Variants in COLEC12 observed in about 807,000 individuals in gnomAD.
COLEC12 encodes the protein collectin subfamily member 12, also known as collectin-12.
In COLEC12, 33 loss-of-function variants were observed where a neutral mutation model predicts 71.1. That is an observed-to-expected ratio of 0.46 (90% CI 0.35 to 0.62). The LOEUF is 0.62. Among genes scored for constraint, COLEC12 ranks in the 20% least tolerant of loss-of-function variants. COLEC12 has a pLI of 0.00. For missense variants in COLEC12, 765 were observed against 916.1 expected, an observed-to-expected ratio of 0.84 and a Z score of 2.13; for synonymous variants, 350 against 353.0, an observed-to-expected ratio of 0.99 and a Z score of 0.10.
At chr18:491,142 C>T (rs1917612664) in intron 1 of COLEC12, among the ~76,000 whole-genome samples, 1 of 152,230 alleles carries the variant, frequency 6.6e-6, no homozygotes, top group African/African-American at 2.4e-5. Context: ...CAGGTCCTTG[C>T]CCCTGTATCC....
intron 9 of COLEC12, 107 bp from the exon 10 acceptor site, chr18:320,171 C>T: frequency 3.0e-6 from 2 of 657,084 alleles, no homozygotes; most frequent in Non-Finnish European, 5.4e-6. Context: ...GTCTAAAATA[C>T]ATCATTCAAC....
At position 319,891 on chromosome 18, in the gene COLEC12, G is replaced by A. The variant is rs1026503839; in HGVS notation, c.*154C>T. The A allele has an allele frequency of 2.2e-5, 14 of 647,426 alleles. No homozygotes were observed. Among genetic ancestry groups the A allele is most frequent in the Non-Finnish European group, 3.9e-5 (14 of 363,350 alleles). The allele number at this position is 647,426 out of a possible 1,614,324, so 40.1% of individuals were successfully genotyped here. A position where few individuals can be genotyped will look rare whatever the true frequency, so the allele number is the denominator to read the frequency against. On this transcript the variant is annotated 3_prime_UTR_variant, in exon 10 of 10. Transcript: ENST00000400256. ...AGTTCCCAAGTCTTTGGGTAATGACGGATGGTAAAAAACACTAGCTGTCAA... is the reference window on the plus strand; with the variant it reads ...AGTTCCCAAGTCTTTGGGTAATGACAGATGGTAAAAAACACTAGCTGTCAA...
chr18:364,989 A>G (rs1013787672), intron 2 of COLEC12, among the ~76,000 whole-genome samples: 4 of 152,244 alleles, frequency 2.6e-5, no homozygotes, highest in Non-Finnish European at 4.4e-5. Flanking sequence ...ATTCATCTCC[A>G]GAAGTGAAAA....
At chr18:357,330 G>C in intron 3 of COLEC12, 70 bp downstream of exon 3, 1 of 1,435,484 alleles carries the variant, frequency 7.0e-7, no homozygotes, top group East Asian at 2.3e-5. Flanking sequence ...TTGCAAATAT[G>C]AGTTTTCTCA....
chr18:451,468 C>T (rs1265459350), intron 2 of COLEC12, among the ~76,000 whole-genome samples: 1 of 152,146 alleles, frequency 6.6e-6, no homozygotes, highest in Non-Finnish European at 1.5e-5. Flanking sequence ...TGATCTGAGG[C>T]CAGGCGCGGT....
chr18:381,562 T>A (rs912754744), intron 2 of COLEC12, among the ~76,000 whole-genome samples: 8 of 152,240 alleles, frequency 5.3e-5, no homozygotes, highest in African/African-American at 1.9e-4. Context: ...TAAGTTGTTA[T>A]AACCTTTTTG....
chr18:361,373 A>G, intron 2 of COLEC12, among the ~76,000 whole-genome samples: 1 of 151,994 alleles, frequency 6.6e-6, no homozygotes. Context: ...TTCCCCTGCC[A>G]CCACCCTAGT....
chr18:480,517 G>A lies in COLEC12; in HGVS notation c.58+190C>T, dbSNP rs1917392930. ...GCCTGGGTGCAGCTCCTGTCCCATG[G>A]CCCCTCAGAATTGTGAGAAACCCTC... On this transcript the variant is annotated intron_variant, in intron 2 of 9. Coordinates refer to ENST00000400256, the MANE Select transcript of COLEC12 (RefSeq NM_130386.3). This position sits in a 1 kb window ranked among gnomAD's most constrained non-coding sequence, Gnocchi z 4.1. Among the ~76,000 whole-genome samples, 1 of 151,926 alleles carries A rather than the reference G, an allele frequency of 6.6e-6. No homozygotes were observed. The highest frequency in any genetic ancestry group is 1.5e-5 in the Non-Finnish European group (1 of 67,996).
At chr18:325,054 A>G (rs938188280) in intron 8 of COLEC12, among the ~76,000 whole-genome samples, 3 of 151,794 alleles carry the variant, frequency 2.0e-5, no homozygotes, top group African/African-American at 7.3e-5. Flanking sequence ...TTAGCCAGGT[A>G]TGGTAGCTGA....
intron 2 of COLEC12, among the ~76,000 whole-genome samples, chr18:433,879 G>A (rs1019592300): frequency 1.3e-5 from 2 of 150,392 alleles, no homozygotes; most frequent in Middle Eastern, 3.2e-3. Context: ...CAAGAGGATC[G>A]CTTGAGCCCA....
At chr18:371,099 A>G (rs2143535408) in intron 2 of COLEC12, among the ~76,000 whole-genome samples, 1 of 152,334 alleles carries the variant, frequency 6.6e-6, no homozygotes, top group Admixed American at 6.5e-5. Context: ...ACAGCCAACC[A>G]CCTGTAAATA....
Position 335,032 on chromosome 18 carries a change from C to A in COLEC12, c.1526G>T (p.Gly509Val). The A allele has an allele frequency of 6.3e-7, 1 of 1,595,442 alleles. No homozygotes were observed. The highest frequency in any genetic ancestry group is 8.5e-7 in the Non-Finnish European group (1 of 1,174,170). ...GGGCTTCCCAGGGGAACCACGGGAG[C>A]CTTTGGGGCCCTGGGAGCCTTTAGA... ...KGSKGSQGPK[G>V]SRGSPGKPGP... The change falls in exon 6 of 10, where the codon GGC becomes GTC. Residue 509 changes from glycine to valine, a missense_variant. By Grantham distance (109) the Gly-to-Val change is moderately radical (BLOSUM62 -3). Transcript: ENST00000400256.
chr18:347,781 G>A (rs1245218518), intron 4 of COLEC12, among the ~76,000 whole-genome samples: 1 of 152,062 alleles, frequency 6.6e-6, no homozygotes, highest in Non-Finnish European at 1.5e-5. Flanking sequence ...CTATTTATGT[G>A]ACAGTTTTTA....
chr18:335,589 C>G (rs1914101741), intron 5 of COLEC12, among the ~76,000 whole-genome samples: 1 of 152,130 alleles, frequency 6.6e-6, no homozygotes, highest in Non-Finnish European at 1.5e-5. Context: ...GGAAAGATCG[C>G]TTGAGGGCAC....
intron 2 of COLEC12, among the ~76,000 whole-genome samples, chr18:474,982 G>C (rs976747412): frequency 2.2e-4 from 33 of 152,096 alleles, no homozygotes; most frequent in African/African-American, 7.5e-4. Context: ...GCTGAGGCAG[G>C]AGAATCACTT....
chr18:352,414 T>A (rs1914542616), intron 3 of COLEC12, among the ~76,000 whole-genome samples: 2 of 152,284 alleles, frequency 1.3e-5, no homozygotes, highest in South Asian at 4.1e-4. Context: ...TTCTACTTTT[T>A]CTTCCATTTT....
intron 2 of COLEC12, among the ~76,000 whole-genome samples, chr18:379,084 C>A (rs1311852081): frequency 2.6e-5 from 4 of 151,862 alleles, no homozygotes; most frequent in Admixed American, 2.6e-4. Flanking sequence ...ATGGTGCAAT[C>A]TTTTTATCTC....
intron 2 of COLEC12, among the ~76,000 whole-genome samples, chr18:468,055 A>C (rs1917120281): frequency 6.6e-6 from 1 of 152,156 alleles, no homozygotes; most frequent in South Asian, 2.1e-4. Flanking sequence ...CGAGGTCAGG[A>C]GTTCGAGACC....
chr18:338,560 T>C (rs762022251), intron 5 of COLEC12, among the ~76,000 whole-genome samples: 2 of 152,214 alleles, frequency 1.3e-5, no homozygotes, highest in Non-Finnish European at 1.5e-5. Context: ...ACATCCACAG[T>C]TGGACTTTTT....
Sources: allele counts gnomAD v4.1 joint callset (sites outside exome capture counted in the v4.1 genomes callset), GRCh38; gene constraint gnomAD v4.1.1; non-coding constraint Gnocchi (gnomAD v3.1); transcripts MANE v1.5; gene names NCBI Gene and HGNC (gene_info 2026-07-23, HGNC 2026-07-21).